Variants in NBAS observed in about 807,000 individuals in gnomAD.
NBAS encodes NAG/BC035112 fusion.
Under a neutral mutation model 302.5 loss-of-function variants are expected in NBAS, and 219 were observed. The ratio of observed to expected loss-of-function variants is 0.72; its 90% confidence interval spans 0.65 to 0.81. NBAS has a LOEUF of 0.81. Ranked by LOEUF, NBAS falls within the 30% of genes least tolerant of loss-of-function variation. The pLI is 0.00. For synonymous variants in NBAS, 1,118 were observed against 1,021.6 expected, an observed-to-expected ratio of 1.09 and a Z score of -1.80; for missense variants, 2,932 against 2,841.6, an observed-to-expected ratio of 1.03 and a Z score of -0.72.
At chr2:15,036,070 A>G in the NBAS span, among the ~76,000 whole-genome samples, 1 of 152,174 alleles carries the variant, frequency 6.6e-6, no homozygotes, top group Non-Finnish European at 1.5e-5. Flanking sequence ...TAAAAATCCA[A>G]TTTATTCTCA....
At chr2:14,896,989 A>C in the NBAS span, among the ~76,000 whole-genome samples, 2 of 152,026 alleles carry the variant, frequency 1.3e-5, no homozygotes, top group Non-Finnish European at 2.9e-5. Flanking sequence ...GCATGGAAAT[A>C]TCTCAGGAGC....
chr2:15,076,280 C>G, the NBAS span, among the ~76,000 whole-genome samples: 1 of 152,186 alleles, frequency 6.6e-6, no homozygotes, highest in Non-Finnish European at 1.5e-5. Context: ...CATGGAATAT[C>G]TAACATATCC....
intron 31 of NBAS, among the ~76,000 whole-genome samples, chr2:15,367,447 C>T (rs1320066818): frequency 3.3e-5 from 5 of 152,214 alleles, no homozygotes; most frequent in African/African-American, 9.6e-5. Flanking sequence ...GAAAGGAATA[C>T]GAGCTATGTC....
the NBAS span, among the ~76,000 whole-genome samples, chr2:14,958,348 C>T: frequency 2.6e-5 from 4 of 152,190 alleles, no homozygotes; most frequent in South Asian, 4.1e-4. Flanking sequence ...TTGGATTTAA[C>T]GATCTCTAAC....
intron 51 of NBAS, among the ~76,000 whole-genome samples, chr2:15,171,850 C>T (rs948245600): frequency 1.1e-4 from 17 of 152,216 alleles, no homozygotes; most frequent in African/African-American, 4.1e-4. Context: ...CATGTGAGGA[C>T]AGTGAGAAGG....
the NBAS span, among the ~76,000 whole-genome samples, chr2:15,116,723 C>T: frequency 6.6e-6 from 1 of 152,144 alleles, no homozygotes; most frequent in East Asian, 1.9e-4. Context: ...TTTATTTGAA[C>T]GTCTCAGCAA....
the NBAS span, among the ~76,000 whole-genome samples, chr2:15,133,614 T>C: frequency 6.6e-6 from 1 of 152,090 alleles, no homozygotes; most frequent in Non-Finnish European, 1.5e-5. Flanking sequence ...CAATGGGCAG[T>C]TGTGTTTGAC....
chr2:15,236,258 T>C (rs1392498839), intron 45 of NBAS, among the ~76,000 whole-genome samples: 4 of 152,014 alleles, frequency 2.6e-5, no homozygotes, highest in Admixed American at 1.3e-4. Flanking sequence ...TAAACTATTC[T>C]AGGTATTGGA....
At chr2:15,402,876 C>T (rs1438236341) in intron 25 of NBAS, among the ~76,000 whole-genome samples, 1 of 152,030 alleles carries the variant, frequency 6.6e-6, no homozygotes, top group Non-Finnish European at 1.5e-5. Context: ...CAAAGCATTT[C>T]CCATGGCAAA....
At chr2:15,161,122 T>C in the NBAS span, among the ~76,000 whole-genome samples, 1 of 152,182 alleles carries the variant, frequency 6.6e-6, no homozygotes, top group Non-Finnish European at 1.5e-5. Context: ...CAGAATGATG[T>C]GAGTTCAAAT....
the NBAS span, among the ~76,000 whole-genome samples, chr2:14,991,914 GACTC>G: frequency 6.6e-6 from 1 of 152,182 alleles, no homozygotes; most frequent in South Asian, 2.1e-4. Context: ...CACCCTCAAG[GACTC>G]ACTCTCTACT....
At chr2:15,211,021 GAA>G (rs1249334160) in intron 48 of NBAS, among the ~76,000 whole-genome samples, 1 of 151,642 alleles carries the variant, frequency 6.6e-6, no homozygotes, top group African/African-American at 2.4e-5. Flanking sequence ...TTAATAGGTA[GAA>G]AAAAAGAGTT....
chr2:15,231,828 T>C (rs1667394185), intron 47 of NBAS, among the ~76,000 whole-genome samples: 1 of 152,148 alleles, frequency 6.6e-6, no homozygotes, highest in African/African-American at 2.4e-5. Flanking sequence ...ATGGCTGACA[T>C]GGATATTAGG....
At chr2:14,892,644 G>A in the NBAS span, among the ~76,000 whole-genome samples, 1 of 151,242 alleles carries the variant, frequency 6.6e-6, no homozygotes, top group Non-Finnish European at 1.5e-5. Flanking sequence ...GGTCTTTTCA[G>A]CATCGATTGA....
At chr2:15,313,193 C>A (rs1429312223) in intron 38 of NBAS, among the ~76,000 whole-genome samples, 1 of 152,198 alleles carries the variant, frequency 6.6e-6, no homozygotes, top group Non-Finnish European at 1.5e-5. Context: ...CCCTGTATGT[C>A]AACCAAATCA....
downstream of NBAS, among the ~76,000 whole-genome samples, chr2:15,163,861 AT>A (rs1278723567): frequency 6.6e-6 from 1 of 151,542 alleles, no homozygotes; most frequent in Non-Finnish European, 1.5e-5. Context: ...CAGTGGTGCA[AT>A]CTCGGCTCAC....
At chr2:15,127,569 T>G in the NBAS span, among the ~76,000 whole-genome samples, 1 of 152,238 alleles carries the variant, frequency 6.6e-6, no homozygotes, top group East Asian at 1.9e-4. Context: ...CTAGGTTACC[T>G]GGGCCCAGCA....
chr2:15,459,503 C>CT (rs66914120), intron 21 of NBAS, among the ~76,000 whole-genome samples: 4 of 141,432 alleles, frequency 2.8e-5, no homozygotes, highest in South Asian at 2.2e-4. Context: ...AGCATTTTTT[C>CT]TTTTTTTTTG....
At chr2:15,142,105 C>T in the NBAS span, among the ~76,000 whole-genome samples, 5 of 152,190 alleles carry the variant, frequency 3.3e-5, no homozygotes, top group African/African-American at 1.2e-4. Context: ...TGTTGGGGGA[C>T]ACACACTTCA....
Sources: gnomAD v4.1 joint callset for allele counts (sites outside exome capture counted in the v4.1 genomes callset) on GRCh38, gnomAD v4.1.1 for gene constraint, MANE v1.5 for transcripts, NCBI Gene and HGNC (gene_info 2026-07-23, HGNC 2026-07-21) for gene names.